GCNT3: variants seen among roughly 807,000 people sequenced by gnomAD.
GCNT3 encodes the protein beta-1,3-galactosyl-O-glycosyl-glycoprotein beta-1,6-N-acetylglucosaminyltransferase 3.
For missense variants in GCNT3, 708 were observed against 530.3 expected (o/e 1.34, Z -3.29); for synonymous variants, 269 against 195.2 (o/e 1.38, Z -3.15).
intron 1 of GCNT3, among the ~76,000 whole-genome samples, chr15:59,615,875 C>G (rs1278713651): frequency 6.6e-6 from 1 of 152,074 alleles, no homozygotes; most frequent in Non-Finnish European, 1.5e-5. Context: ...GCGACAGAGC[C>G]AGATACTTTG....
At chr15:59,612,870 T>A (rs890414271) in intron 1 of GCNT3, among the ~76,000 whole-genome samples, 15 of 152,094 alleles carry the variant, frequency 9.9e-5, no homozygotes, top group African/African-American at 3.6e-4. Context: ...GGTGACAACT[T>A]ACAATAGAGT....
rs967889675 is a variant in GCNT3 at position 59,617,946 on chromosome 15, C to T, written c.-60-233C>T. On this transcript the variant is annotated intron_variant, in intron 2 of 2. Transcript: ENST00000396065. ...CCATGGCAGCAGGTGCTCAGTTGTT[C>T]CTTTTCTCCTGGGGTGGAGGTGGAT... 1.2e-5 allele frequency: 3 copies of T among 245,316 alleles called. No individual in the cohort carries two copies. In the Admixed American group the frequency reaches 1.5e-4, roughly 12 times the overall value. The allele number at this position is 245,316 out of a possible 1,614,324, so 15.2% of individuals were successfully genotyped here.
Position 59,619,168 on chromosome 15 carries a change from GA to G in GCNT3, c.932del (p.Lys311ArgfsTer8). On this transcript the variant is annotated frameshift_variant, in exon 3 of 3. Transcript: ENST00000396065. LOFTEE classifies it low-confidence loss of function (END_TRUNC). ...ASRDFVQHVLKNPKSQQLIEW... is the reference protein window; with the variant it reads ...ASRDFVQHVLXNPKSQQLIEW... Reference sequence around the variant, plus strand: ...CCCGAGATTTCGTCCAACATGTTTTGAAGAACCCTAAATCCCAACAACTGAT... The same window carrying G: ...CCCGAGATTTCGTCCAACATGTTTTGAGAACCCTAAATCCCAACAACTGAT... 6.2e-7 allele frequency: 1 copy of G among 1,614,064 alleles called. No individual in the cohort carries two copies. The highest frequency in any genetic ancestry group is 8.5e-7 in the Non-Finnish European group (1 of 1,180,004).
At chr15:59,616,222 C>T (rs2141935384) in intron 1 of GCNT3, among the ~76,000 whole-genome samples, 1 of 152,152 alleles carries the variant, frequency 6.6e-6, no homozygotes, top group South Asian at 2.1e-4. Flanking sequence ...TGGTGGGGTA[C>T]CGGGAGGGAG....
At chr15:59,614,650 C>T (rs1239811146) in intron 1 of GCNT3, among the ~76,000 whole-genome samples, 1 of 152,168 alleles carries the variant, frequency 6.6e-6, no homozygotes, top group East Asian at 1.9e-4. Context: ...ACTCTCGTCA[C>T]CATCTTGGTT....
chr15:59,622,457 T>C lies in GCNT3; in HGVS notation c.*2902T>C, dbSNP rs1191681779. On this transcript the variant is annotated 3_prime_UTR_variant, in exon 3 of 3. Coordinates refer to ENST00000396065, the MANE Select transcript of GCNT3 (RefSeq NM_004751.3). ...TACGGAGATGACTGATGACTAGTTG[T>C]ATACACAGTGGGTGTGCCCTGAGAG... 1 of 152,218 alleles carries C rather than the reference T, an allele frequency of 6.6e-6. No homozygotes were observed. Among genetic ancestry groups the C allele is most frequent in the Non-Finnish European group, 1.5e-5 (1 of 68,058 alleles). The allele number at this position is 152,218 out of a possible 1,614,324, so 9.4% of individuals were successfully genotyped here. A position where few individuals can be genotyped will look rare whatever the true frequency, so the allele number is the denominator to read the frequency against.
In GCNT3 at chr15:59,618,252, A is replaced by G; in HGVS notation, c.14A>G (p.Lys5Arg). The change falls in exon 3 of 3, where the codon AAG becomes AGG. Residue 5 changes from lysine (K) to arginine (R), a missense_variant. Lys to Arg is a conservative substitution (Grantham distance 26). Coordinates refer to ENST00000396065, the MANE Select transcript of GCNT3 (RefSeq NM_004751.3). Reference sequence around the variant, plus strand: ...CATTCTGTGACGATGGTTCAATGGAAGAGACTCTGCCAGCTGCATTACTTG... The same window carrying G: ...CATTCTGTGACGATGGTTCAATGGAGGAGACTCTGCCAGCTGCATTACTTG... MVQW[K>R]RLCQLHYLWA... 6.4e-7 allele frequency: 1 copy of G among 1,571,254 alleles called. No homozygotes were observed. Among genetic ancestry groups the G allele is most frequent in the Non-Finnish European group, 8.6e-7 (1 of 1,157,488 alleles).
At chr15:59,617,605 T>A (rs911782301) in intron 2 of GCNT3, among the ~76,000 whole-genome samples, 1 of 152,234 alleles carries the variant, frequency 6.6e-6, no homozygotes, top group Non-Finnish European at 1.5e-5. Flanking sequence ...CATTTTTGGA[T>A]AATATCCAGT....
At position 59,621,264 on chromosome 15, in the gene GCNT3, T is replaced by G. The variant is rs1566910088; in HGVS notation, c.*1709T>G. 1 of 152,092 alleles carries G rather than the reference T, an allele frequency of 6.6e-6. No homozygotes were observed. Among genetic ancestry groups the G allele is most frequent in the Non-Finnish European group, 1.5e-5 (1 of 68,010 alleles). The allele number at this position is 152,092 out of a possible 1,614,324, so 9.4% of individuals were successfully genotyped here. ...TGATTCTGCAGATTACACATTTCCT[T>G]GCGGGGAGACAATAAGGTATGTGTA... On this transcript the variant is annotated 3_prime_UTR_variant, in exon 3 of 3. Transcript: ENST00000396065.
At chr15:59,612,570 G>C (rs554907939) in intron 1 of GCNT3, among the ~76,000 whole-genome samples, 1 of 152,142 alleles carries the variant, frequency 6.6e-6, no homozygotes, top group African/African-American at 2.4e-5. Flanking sequence ...CCTGTGAAAA[G>C]CATCATACCC....
chr15:59,618,685 A>C lies in GCNT3; in HGVS notation c.447A>C (p.Leu149=). The C allele has an allele frequency of 1.2e-6, 2 of 1,614,198 alleles. No homozygotes were observed. Among genetic ancestry groups the C allele is most frequent in the Non-Finnish European group, 1.7e-6 (2 of 1,180,012 alleles). The part of the protein sequence containing the change: ...IHEKIENFER[L]LRAVYAPQNI... Reference sequence around the variant, plus strand: ...AGAAGATTGAAAACTTTGAAAGGCTACTGCGAGCTGTGTATGCCCCTCAGA... The same window carrying C: ...AGAAGATTGAAAACTTTGAAAGGCTCCTGCGAGCTGTGTATGCCCCTCAGA... The change falls in exon 3 of 3, where the codon CTA becomes CTC. Residue 149 remains leucine, a synonymous_variant. Transcript: ENST00000396065.
intron 2 of GCNT3, among the ~76,000 whole-genome samples, chr15:59,617,225 A>G (rs2082724111): frequency 7.3e-6 from 1 of 136,842 alleles, no homozygotes; most frequent in African/African-American, 2.8e-5. Context: ...GGACAGTGAA[A>G]TTTGTTTGGG....
intron 1 of GCNT3, among the ~76,000 whole-genome samples, chr15:59,616,094 C>A (rs2082718617): frequency 6.6e-6 from 1 of 152,142 alleles, no homozygotes; most frequent in Admixed American, 6.5e-5. Flanking sequence ...CTTAGACTGC[C>A]AACAGCTCTA....
chr15:59,614,064 C>G (rs1194974485), intron 1 of GCNT3, among the ~76,000 whole-genome samples: 4 of 152,118 alleles, frequency 2.6e-5, no homozygotes, highest in African/African-American at 7.2e-5. Flanking sequence ...GGTGTTGTCT[C>G]TTACTGAGGG....
At position 59,611,810 on chromosome 15, in the gene GCNT3, C is replaced by G. The variant is rs547322084; in HGVS notation, c.-422C>G. ...GTCAGAGCCTCTTCTCTCTAAGTCACGGGAACTGCCCTTGCTACTTGTGAC... is the reference window on the plus strand; with the variant it reads ...GTCAGAGCCTCTTCTCTCTAAGTCAGGGGAACTGCCCTTGCTACTTGTGAC... On this transcript the variant is annotated 5_prime_UTR_variant, in exon 1 of 3. Transcript: ENST00000396065. 1 of 152,172 alleles carries G rather than the reference C, an allele frequency of 6.6e-6. No individual in the cohort carries two copies. The highest frequency in any genetic ancestry group is 2.4e-5 in the African/African-American group (1 of 41,412). 9.4% of individuals were successfully genotyped at this position (152,172 alleles called of 1,614,324 possible). A position where few individuals can be genotyped will look rare whatever the true frequency, so the allele number is the denominator to read the frequency against.
At chr15:59,616,286 A>G (rs1227417058) in intron 1 of GCNT3, 2 of 152,208 alleles carry the variant, frequency 1.3e-5, no homozygotes, top group Non-Finnish European at 2.9e-5. Context: ...TTTTTTAAAG[A>G]AAAGTAAAAT....
chr15:59,615,386 CA>C (rs2082714505), intron 1 of GCNT3, among the ~76,000 whole-genome samples: 1 of 152,122 alleles, frequency 6.6e-6, no homozygotes, highest in South Asian at 2.1e-4. Flanking sequence ...GTTGAGTGGT[CA>C]CCACTCTTCA....
rs761241360 is a variant in GCNT3, at chr15:59,618,436, G to A, written c.198G>A (p.Arg66=). Residue 66 remains arginine, a synonymous_variant, in exon 3 of 3, where the codon AGG becomes AGA. Transcript: ENST00000396065. The stretch of plus-strand genomic sequence containing the variant: ...ATTTCCTGAAACTTCCAGCAAAGAG[G>A]TCTATCAACTGTTCAGGGGTCACCC... ...LYNFLKLPAK[R]SINCSGVTRG... 6 of 1,613,952 alleles carry A rather than the reference G, an allele frequency of 3.7e-6. 1 individual carries two copies. The highest frequency in any genetic ancestry group is 1.6e-4 in the Middle Eastern group (1 of 6,084).
rs146409873 is a variant in GCNT3 at position 59,619,848 on chromosome 15, G to T, written c.*293G>T. On this transcript the variant is annotated 3_prime_UTR_variant, in exon 3 of 3. Transcript: ENST00000396065. ...GAGAGTGAAGGAGGGATATGTGGTA[G>T]AGCACTTGATTTCAGTTGAATGCCT... 2.6e-4 allele frequency: 68 copies of T among 258,156 alleles called. 1 individual carries two copies. The East Asian group carries it at 5.1e-3, about 19-fold the overall frequency. 16.0% of individuals were successfully genotyped at this position (258,156 alleles called of 1,614,324 possible).
Sources: allele counts gnomAD v4.1 joint callset (sites outside exome capture counted in the v4.1 genomes callset), GRCh38; gene constraint gnomAD v4.1.1; transcripts MANE v1.5; gene names NCBI Gene and HGNC (gene_info 2026-07-23, HGNC 2026-07-21).